GRID1: variants seen among roughly 807,000 people sequenced by gnomAD.
GRID1 encodes glutamate ionotropic receptor delta type subunit 1.
GRID1 carries 28 observed loss-of-function variants against 98.0 expected under a neutral mutation model. That is an observed-to-expected ratio of 0.29 (90% CI 0.21 to 0.39). The LOEUF (loss-of-function observed/expected upper bound fraction) is 0.39. Among genes scored for constraint, GRID1 ranks in the 10% least tolerant of loss-of-function variants. The pLI, the probability that GRID1 is intolerant of heterozygous loss-of-function variation, is 1.00. For missense variants in GRID1, 1,111 were observed against 1,340.5 expected (o/e 0.83, Z 2.67); for synonymous variants, 553 against 538.5 (o/e 1.03, Z -0.37).
intron 13 of GRID1, among the ~76,000 whole-genome samples, chr10:85,622,017 T>C (rs1842864326): frequency 6.6e-6 from 1 of 152,158 alleles, no homozygotes; most frequent in Admixed American, 6.5e-5. Flanking sequence ...AAGGTTTGTT[T>C]CTACATTTCA....
intron 3 of GRID1, among the ~76,000 whole-genome samples, chr10:86,150,330 G>C (rs1217515363): frequency 6.6e-6 from 1 of 152,190 alleles, no homozygotes; most frequent in African/African-American, 2.4e-5. Flanking sequence ...GGCTTGTGAG[G>C]AAGGCTAACC....
In GRID1 at chr10:85,836,717, T is replaced by C. The variant is rs145440411; in HGVS notation, c.1233+17779A>G. 1.3e-3 allele frequency among the ~76,000 whole-genome samples: 195 copies of C among 152,230 alleles called. 2 individuals are homozygous for C. The highest frequency in any genetic ancestry group is 4.6e-3 in the East Asian group (24 of 5,172). On this transcript the variant is annotated intron_variant, in intron 8 of 15. Coordinates refer to ENST00000327946, the MANE Select transcript of GRID1 (RefSeq NM_017551.3). The stretch of plus-strand genomic sequence containing the variant: ...TCCTCCTAAATAAGAGACTTTAGCT[T>C]TAGGGGAACTGTCAGACTTGATCTC...
intron 13 of GRID1, among the ~76,000 whole-genome samples, chr10:85,644,465 C>A (rs911246807): frequency 6.6e-6 from 1 of 152,098 alleles, no homozygotes; most frequent in Non-Finnish European, 1.5e-5. Flanking sequence ...GTATAATATT[C>A]TGTGTTACCT....
chr10:85,988,171 C>G (rs1201197882), intron 4 of GRID1, among the ~76,000 whole-genome samples: 20 of 152,074 alleles, frequency 1.3e-4, no homozygotes, highest in Admixed American at 1.2e-3. Flanking sequence ...ATTTAAGTGA[C>G]CCCACCCCAC....
chr10:85,754,251 T>C (rs1392192432), intron 8 of GRID1, among the ~76,000 whole-genome samples: 1 of 152,206 alleles, frequency 6.6e-6, no homozygotes, highest in Non-Finnish European at 1.5e-5. Context: ...GAGTTGTTTC[T>C]TCTATCAAAG....
intron 2 of GRID1, among the ~76,000 whole-genome samples, chr10:86,353,456 C>T (rs1025412325): frequency 1.9e-4 from 29 of 152,146 alleles, no homozygotes; most frequent in African/African-American, 6.8e-4. Flanking sequence ...CTGCCCACCA[C>T]ACCAGAGCCC....
intron 4 of GRID1, among the ~76,000 whole-genome samples, chr10:86,069,015 T>G (rs1179202833): frequency 3.3e-5 from 5 of 151,980 alleles, no homozygotes; most frequent in African/African-American, 1.2e-4. Flanking sequence ...CCAGCTTGAT[T>G]AGACCCAACA....
intron 2 of GRID1, among the ~76,000 whole-genome samples, chr10:86,339,394 G>A (rs565720827): frequency 5.3e-5 from 8 of 152,264 alleles, no homozygotes; most frequent in Non-Finnish European, 1.0e-4. Context: ...CCCATGGGGA[G>A]TGGATTCGGT....
intron 12 of GRID1, among the ~76,000 whole-genome samples, chr10:85,700,967 A>G (rs1487669837): frequency 6.6e-6 from 1 of 152,212 alleles, no homozygotes; most frequent in Non-Finnish European, 1.5e-5. Flanking sequence ...TTATAAGTTG[A>G]AGATAACTAA....
chr10:85,651,955 G>C (rs568787447), intron 12 of GRID1, among the ~76,000 whole-genome samples: 1 of 152,108 alleles, frequency 6.6e-6, no homozygotes, highest in Non-Finnish European at 1.5e-5. Context: ...AGTGGATTTG[G>C]GACCAATGCA....
At chr10:85,906,790 G>T (rs1387152405) in intron 5 of GRID1, among the ~76,000 whole-genome samples, 1 of 151,968 alleles carries the variant, frequency 6.6e-6, no homozygotes, top group Admixed American at 6.6e-5. Context: ...TTAAATCAAT[G>T]ATCTCAGCTT....
At chr10:85,989,540 C>T (rs1439669407) in intron 4 of GRID1, among the ~76,000 whole-genome samples, 5 of 152,186 alleles carry the variant, frequency 3.3e-5, no homozygotes, top group African/African-American at 4.8e-5. Flanking sequence ...CAATCAGCAT[C>T]GGCATTTGAT....
chr10:86,113,654 G>A (rs1844524817), intron 4 of GRID1, among the ~76,000 whole-genome samples: 1 of 152,160 alleles, frequency 6.6e-6, no homozygotes, highest in South Asian at 2.1e-4. Flanking sequence ...CCCCCTGCCA[G>A]ACCCCCACAC....
chr10:85,876,482 C>G lies in GRID1; in HGVS notation c.781-7302G>C, dbSNP rs564429868. The stretch of plus-strand genomic sequence containing the variant: ...ATAACCCAAGATAATCGCCCCATCT[C>G]AAGATCATTAACTTCATCATATCTG... On this transcript the variant is annotated intron_variant, in intron 5 of 15. Transcript: ENST00000327946. 6.6e-5 allele frequency among the ~76,000 whole-genome samples: 10 copies of G among 152,296 alleles called. No homozygotes were observed. The East Asian group carries it at 1.9e-3, about 29-fold the overall frequency.
intron 4 of GRID1, among the ~76,000 whole-genome samples, chr10:85,955,729 C>G (rs1465201001): frequency 7.9e-6 from 1 of 127,148 alleles, no homozygotes; most frequent in East Asian, 2.9e-4. Context: ...AGTCATCAGA[C>G]AGTCAGTCAG....
chr10:85,694,448 T>A (rs993433356), intron 12 of GRID1, among the ~76,000 whole-genome samples: 2 of 150,792 alleles, frequency 1.3e-5, no homozygotes, highest in African/African-American at 4.9e-5. Context: ...AATCACTATA[T>A]CAGAAAGATA....
chr10:85,851,388 A>G (rs1453716546), intron 8 of GRID1, among the ~76,000 whole-genome samples: 1 of 152,162 alleles, frequency 6.6e-6, no homozygotes, highest in Non-Finnish European at 1.5e-5. Flanking sequence ...ATTTTTCCAT[A>G]CAAAGCTCAC....
chr10:85,813,029 A>C (rs1391594854), intron 8 of GRID1, among the ~76,000 whole-genome samples: 1 of 151,870 alleles, frequency 6.6e-6, no homozygotes, highest in Non-Finnish European at 1.5e-5. Flanking sequence ...AACAATAGAA[A>C]CAATTCAATC....
intron 2 of GRID1, among the ~76,000 whole-genome samples, chr10:86,217,746 G>A (rs1846196429): frequency 6.6e-6 from 1 of 152,188 alleles, no homozygotes; most frequent in Non-Finnish European, 1.5e-5. Flanking sequence ...AACAGGCTCA[G>A]GGAGGGAGCT....
Sources: allele counts gnomAD v4.1 joint callset (sites outside exome capture counted in the v4.1 genomes callset), GRCh38; gene constraint gnomAD v4.1.1; transcripts MANE v1.5; gene names NCBI Gene and HGNC (gene_info 2026-07-23, HGNC 2026-07-21).